PARP12: variants seen among roughly 807,000 people sequenced by gnomAD.
The protein encoded by PARP12 is protein mono-ADP-ribosyltransferase PARP12.
A neutral mutation model predicts 72.4 loss-of-function variants in PARP12; 59 were observed. The observed-to-expected ratio is 0.81, with a 90% CI of 0.66 to 1.01. The LOEUF is 1.01. PARP12 is among the 50% of genes least tolerant of loss of function. The pLI, the probability that PARP12 is intolerant of heterozygous loss-of-function variation, is 0.00. For missense variants in PARP12, 851 were observed against 914.0 expected (o/e 0.93, Z 0.89); for synonymous variants, 403 against 371.4 (o/e 1.09, Z -0.98).
At chr7:140,025,667 C>A (rs1815711048) in intron 11 of PARP12, 8 of 357,146 alleles carry the variant, frequency 2.2e-5, no homozygotes, top group East Asian at 8.0e-5. Flanking sequence ...TAAAATTTAC[C>A]CAAAGAGGTT....
chr7:140,058,436 G>C (rs180711704), intron 1 of PARP12, among the ~76,000 whole-genome samples: 1 of 151,468 alleles, frequency 6.6e-6, no homozygotes, highest in Non-Finnish European at 1.5e-5. Flanking sequence ...GCATGAACCC[G>C]AGAGGCGGAG....
chr7:140,026,428 T>A, intron 10 of PARP12, 80 bp from the exon 11 acceptor site: 1 of 1,534,412 alleles, frequency 6.5e-7, no homozygotes, highest in Non-Finnish European at 8.7e-7. Flanking sequence ...AAACAACACA[T>A]TTTTCCAAAA....
At position 140,046,977 on chromosome 7, in the gene PARP12, G is replaced by C; in HGVS notation, c.893C>G (p.Pro298Arg). 6.2e-7 allele frequency: 1 copy of C among 1,613,584 alleles called. No individual in the cohort carries two copies. Among genetic ancestry groups the C allele is most frequent in the Non-Finnish European group, 8.5e-7 (1 of 1,179,828 alleles). ...DKCHRVHFHL[P>R]YRWQFLDRGK... ...TCTATCCAAGAATTGCCATCGATACGGCAAATGGAAATGAACTCTATGGCA... is the reference window on the plus strand; with the variant it reads ...TCTATCCAAGAATTGCCATCGATACCGCAAATGGAAATGAACTCTATGGCA... Residue 298 changes from proline (P) to arginine (R), a missense_variant, in exon 5 of 12, where the codon CCG becomes CGG. Physicochemically the swap from Pro to Arg is moderately radical, Grantham distance 103. Transcript: ENST00000263549.
chr7:140,062,508 G>C lies in PARP12; in HGVS notation c.326+14C>G, dbSNP rs1172762187. ...GGACCTCCGCCCGCCGTCGCTCCCG[G>C]CGCGGCGCCTTACCCGGCTCTCAGG... On this transcript the variant is annotated intron_variant, in intron 1 of 11. Transcript: ENST00000263549. The C allele has an allele frequency of 6.5e-7, 1 of 1,535,824 alleles. No individual in the cohort carries two copies. Among genetic ancestry groups the C allele is most frequent in the East Asian group, 2.4e-5 (1 of 40,844 alleles).
chr7:140,060,579 A>G (rs1358788120), intron 1 of PARP12, among the ~76,000 whole-genome samples: 1 of 152,262 alleles, frequency 6.6e-6, no homozygotes, highest in African/African-American at 2.4e-5. Context: ...GATTTCCGAG[A>G]CAAGTCAGAC....
At chr7:140,059,884 G>A (rs1015149007) in intron 1 of PARP12, among the ~76,000 whole-genome samples, 1 of 152,210 alleles carries the variant, frequency 6.6e-6, no homozygotes, top group African/African-American at 2.4e-5. Flanking sequence ...AATCAGGGGA[G>A]CATGCTGGAT....
At chr7:140,045,025 TTTTC>T (rs1441492366) in intron 5 of PARP12, among the ~76,000 whole-genome samples, 3 of 150,914 alleles carry the variant, frequency 2.0e-5, no homozygotes, top group African/African-American at 7.3e-5. Flanking sequence ...CAGTGCATCT[TTTTC>T]TTTTTTTTTT....
rs540753189 is a variant in PARP12, at chr7:140,024,997, C to A, written c.1781-112G>T. ...CAACGCCAGGGCCTCTACTCTTCCA[C>A]CCCGCATCTCCCTCCCTCCCTCTGT... On this transcript the variant is annotated intron_variant, in intron 11 of 11. Transcript: ENST00000263549. 2.1e-5 allele frequency: 19 copies of A among 883,932 alleles called. No individual in the cohort carries two copies. The African/African-American group carries it at 3.0e-4, about 14-fold the overall frequency. 54.8% of individuals were successfully genotyped at this position (883,932 alleles called of 1,614,324 possible).
intron 3 of PARP12, among the ~76,000 whole-genome samples, chr7:140,056,242 T>C (rs911046244): frequency 7.9e-5 from 12 of 152,258 alleles, no homozygotes; most frequent in African/African-American, 2.9e-4. Flanking sequence ...TGACAGTCTT[T>C]TTTAAAAAAT....
intron 8 of PARP12, among the ~76,000 whole-genome samples, chr7:140,031,264 T>C (rs1436941656): frequency 6.6e-6 from 1 of 152,062 alleles, no homozygotes; most frequent in African/African-American, 2.4e-5. Flanking sequence ...TCCCAACTAC[T>C]TGGGATGCTG....
chr7:140,048,167 C>T (rs939157523), intron 4 of PARP12, among the ~76,000 whole-genome samples: 4 of 152,126 alleles, frequency 2.6e-5, no homozygotes, highest in African/African-American at 2.4e-5. Flanking sequence ...TGGTTACAGG[C>T]TCCTTGCATC....
At chr7:140,040,407 C>T (rs1469763114) in intron 6 of PARP12, among the ~76,000 whole-genome samples, 3 of 152,104 alleles carry the variant, frequency 2.0e-5, no homozygotes, top group Non-Finnish European at 4.4e-5. Context: ...AAGAGGGGAG[C>T]AGGGGAGGAG....
At chr7:140,050,492 T>G (rs1055410459) in intron 4 of PARP12, among the ~76,000 whole-genome samples, 5 of 152,014 alleles carry the variant, frequency 3.3e-5, no homozygotes, top group Non-Finnish European at 1.5e-5. Context: ...CCACCATCAC[T>G]AGAATGAGGG....
chr7:140,041,909 A>G lies in PARP12; in HGVS notation c.987-70T>C, dbSNP rs541518306. 17 of 1,317,166 alleles carry G rather than the reference A, an allele frequency of 1.3e-5. No homozygotes were observed. In the African/African-American group the frequency reaches 1.8e-4, roughly 14 times the overall value. The allele number at this position is 1,317,166 out of a possible 1,614,324, so 81.6% of individuals were successfully genotyped here. ...GCAGACACAGGTCCCTCAGCTTGAG[A>G]ACATATAGCTGGGAGATGCGAATAG... is the stretch of plus-strand genomic sequence containing the variant. On this transcript the variant is annotated intron_variant, in intron 5 of 11. Coordinates refer to ENST00000263549, the MANE Select transcript of PARP12 (RefSeq NM_022750.4).
intron 8 of PARP12, among the ~76,000 whole-genome samples, chr7:140,033,015 G>A (rs933614543): frequency 6.6e-6 from 1 of 152,044 alleles, no homozygotes; most frequent in Non-Finnish European, 1.5e-5. Context: ...GCAGTGGTGT[G>A]ATCTTGGCTC....
chr7:140,052,732 TTGTG>T (rs9340762), intron 4 of PARP12, among the ~76,000 whole-genome samples: 1,651 of 145,778 alleles, frequency 0.011, 24 homozygotes, highest in African/African-American at 0.03. Flanking sequence ...AAGACCCCTT[TTGTG>T]TGTGTGTGTG....
chr7:140,041,861 A>T (rs771638055), intron 5 of PARP12, 22 bp from the exon 6 acceptor site: 80 of 1,589,956 alleles, frequency 5.0e-5, no homozygotes, highest in Non-Finnish European at 6.0e-5. Context: ...AAACAGCAGC[A>T]GACTGAAAAT....
intron 5 of PARP12, among the ~76,000 whole-genome samples, chr7:140,043,006 T>C (rs1473398361): frequency 6.6e-6 from 1 of 152,106 alleles, no homozygotes; most frequent in Admixed American, 6.5e-5. Flanking sequence ...CCATCCTGGC[T>C]AACACAGTGA....
intron 11 of PARP12, 88 bp downstream of exon 11, chr7:140,026,109 G>T: frequency 6.3e-7 from 1 of 1,592,466 alleles, no homozygotes; most frequent in Non-Finnish European, 8.6e-7. Context: ...ATCAGCTCAG[G>T]CTGGTCCCCT....
Sources: gnomAD v4.1 joint callset for allele counts (sites outside exome capture counted in the v4.1 genomes callset) on GRCh38, gnomAD v4.1.1 for gene constraint, MANE v1.5 for transcripts, NCBI Gene and HGNC (gene_info 2026-07-23, HGNC 2026-07-21) for gene names.